Variants in ABCA13 observed in about 807,000 individuals in gnomAD.
ABCA13 encodes the protein ATP binding cassette subfamily A member 13.
In ABCA13, 476 loss-of-function variants were observed where a neutral mutation model predicts 478.7. The observed-to-expected ratio is 0.99, with a 90% CI of 0.92 to 1.07. The LOEUF is 1.07. Among genes scored for constraint, ABCA13 ranks in the 50% least tolerant of loss-of-function variants. ABCA13 has a pLI of 0.00. For synonymous variants in ABCA13, 2,252 were observed against 2,158.9 expected (o/e 1.04, Z -1.20); for missense variants, 6,060 against 5,910.6 (o/e 1.03, Z -0.83).
intron 27 of ABCA13, among the ~76,000 whole-genome samples, chr7:48,330,781 C>CCA (rs757776204): frequency 2.6e-5 from 4 of 151,994 alleles, no homozygotes; most frequent in African/African-American, 9.7e-5. Flanking sequence ...ATCCATCCAT[C>CCA]TATACATTAA....
intron 3 of ABCA13, among the ~76,000 whole-genome samples, chr7:48,211,463 T>G (rs1470726894): frequency 6.6e-6 from 1 of 152,180 alleles, no homozygotes; most frequent in East Asian, 1.9e-4. Flanking sequence ...CTTCCTTCTG[T>G]TTCCCCTAAT....
In ABCA13 at chr7:48,372,361, A is replaced by G; in HGVS notation, c.10997A>G (p.Tyr3666Cys). The change falls in exon 33 of 62, where the codon TAC (tyrosine) becomes TGC (cysteine). Residue 3666 changes from tyrosine (Y) to cysteine (C), a missense_variant. Tyr to Cys is a radical substitution (Grantham distance 194, BLOSUM62 -2). Coordinates refer to ENST00000435803, the MANE Select transcript of ABCA13 (RefSeq NM_152701.5). ...GGGATGTCAGTCGTCATGCTGAGCTACCTCTTGAGTGCATTTTTCAGCCAA... is the reference window on the plus strand; with the variant it reads ...GGGATGTCAGTCGTCATGCTGAGCTGCCTCTTGAGTGCATTTTTCAGCCAA... ...DFGMSVVMLS[Y>C]LLSAFFSQAN... The G allele has an allele frequency of 6.2e-7, 1 of 1,613,750 alleles. No individual in the cohort carries two copies. Among genetic ancestry groups the G allele is most frequent in the East Asian group, 2.2e-5 (1 of 44,874 alleles).
chr7:48,292,036 C>CT (rs1320098536), intron 20 of ABCA13, among the ~76,000 whole-genome samples: 2 of 152,156 alleles, frequency 1.3e-5, no homozygotes, highest in Non-Finnish European at 2.9e-5. Flanking sequence ...GCTAGGGAAT[C>CT]TTATGCAGAT....
chr7:48,459,846 A>G (rs943172999), intron 43 of ABCA13, among the ~76,000 whole-genome samples: 11 of 152,246 alleles, frequency 7.2e-5, no homozygotes, highest in African/African-American at 2.4e-4. Flanking sequence ...CTCTCTACAC[A>G]TTAAAAATAT....
chr7:48,262,725 A>C (rs1249360412), intron 15 of ABCA13, among the ~76,000 whole-genome samples: 4 of 151,910 alleles, frequency 2.6e-5, no homozygotes, highest in Non-Finnish European at 5.9e-5. Context: ...TTATACACAC[A>C]TTTAGAGGTG....
intron 1 of ABCA13, among the ~76,000 whole-genome samples, chr7:48,184,302 G>A (rs991459123): frequency 6.6e-6 from 1 of 152,076 alleles, no homozygotes; most frequent in East Asian, 1.9e-4. Flanking sequence ...GTAGGCATTT[G>A]TAGGTATTAC....
In ABCA13 at chr7:48,229,998, A is replaced by G. The variant is rs147152680; in HGVS notation, c.763+43A>G. On this transcript the variant is annotated intron_variant, in intron 7 of 61. Transcript: ENST00000435803. Reference sequence around the variant, plus strand: ...CTATTGCTATATTTCAAAACGTTTAACTACTTAAATTCATTGACAGTTGAC... The same window carrying G: ...CTATTGCTATATTTCAAAACGTTTAGCTACTTAAATTCATTGACAGTTGAC... 113 of 1,579,152 alleles carry G rather than the reference A, an allele frequency of 7.2e-5. No homozygotes were observed. The African/African-American group carries it at 1.4e-3, about 19-fold the overall frequency.
chr7:48,215,955 G>C (rs527797021), intron 3 of ABCA13, among the ~76,000 whole-genome samples: 27 of 152,166 alleles, frequency 1.8e-4, no homozygotes, highest in Non-Finnish European at 2.6e-4. Flanking sequence ...TTTTAAAATT[G>C]ATGATCAACT....
At chr7:48,388,981 G>A in intron 36 of ABCA13, 59 bp from the exon 37 acceptor site, 6 of 1,532,638 alleles carry the variant, frequency 3.9e-6, no homozygotes, top group South Asian at 3.5e-5. Flanking sequence ...TAATAAATAT[G>A]AGCATTATTT....
At chr7:48,236,848 G>A (rs1255364864) in intron 8 of ABCA13, among the ~76,000 whole-genome samples, 1 of 152,118 alleles carries the variant, frequency 6.6e-6, no homozygotes, top group Admixed American at 6.6e-5. Flanking sequence ...CCCTTCGTAA[G>A]TGTAATTGCC....
At position 48,524,405 on chromosome 7, in the gene ABCA13, G is replaced by C. The variant is rs1371001468; in HGVS notation, c.14209G>C (p.Val4737Leu). The C allele has an allele frequency of 6.2e-7, 1 of 1,611,956 alleles. No homozygotes were observed. Among genetic ancestry groups the C allele is most frequent in the Non-Finnish European group, 8.5e-7 (1 of 1,179,100 alleles). The change falls in exon 54 of 62, where the codon GTG becomes CTG. Residue 4737 changes from valine (V) to leucine (L), a missense_variant. Physicochemically the swap from Val to Leu is conservative, Grantham distance 32 (BLOSUM62 1). Around this residue, in one of 3 missense-constraint regions of ABCA13, gnomAD observed 1,627 missense variants for 1,571.0 expected, o/e 1.04. Coordinates refer to ENST00000435803, the MANE Select transcript of ABCA13 (RefSeq NM_152701.5). ...YRRFFQNIIA[V>L]QDISLGIPKG... ...ACGCTTTTTCCAGAATATTATTGCT[G>C]TGCAAGATATTAGTTTGGGCATACC... is the stretch of plus-strand genomic sequence containing the variant.
intron 31 of ABCA13, among the ~76,000 whole-genome samples, chr7:48,365,520 T>A (rs1249763903): frequency 3.9e-5 from 6 of 152,174 alleles, no homozygotes; most frequent in African/African-American, 1.4e-4. Flanking sequence ...AGTTCTCTGA[T>A]ATTTTCTTCT....
intron 35 of ABCA13, among the ~76,000 whole-genome samples, chr7:48,384,005 A>G (rs1259243176): frequency 6.6e-6 from 1 of 152,232 alleles, no homozygotes; most frequent in Non-Finnish European, 1.5e-5. Flanking sequence ...TGCTACAGTG[A>G]ATATATTTAT....
In ABCA13 at chr7:48,276,105, A is replaced by C; in HGVS notation, c.6439A>C (p.Ile2147Leu). The C allele has an allele frequency of 6.3e-7, 1 of 1,599,656 alleles. No homozygotes were observed. The highest frequency in any genetic ancestry group is 1.1e-5 in the South Asian group (1 of 88,834). The stretch of plus-strand genomic sequence containing the variant: ...CTCCAGAATGATAGAAACATTATTC[A>C]TTCCTGTGACCAATGAGAGTTCAAC... Reference protein sequence around the residue: ...DYSRMIETLFIPVTNESSTED... With the variant: ...DYSRMIETLFLPVTNESSTED... Residue 2147 changes from isoleucine to leucine, a missense_variant, in exon 17 of 62, where the codon ATT becomes CTT. Ile to Leu is a conservative substitution (Grantham distance 5). Coordinates refer to ENST00000435803, the MANE Select transcript of ABCA13 (RefSeq NM_152701.5).
chr7:48,350,587 G>T, intron 29 of ABCA13, 56 bp from the exon 30 acceptor site: 1 of 1,457,846 alleles, frequency 6.9e-7, no homozygotes, highest in Non-Finnish European at 9.2e-7. Context: ...TATATGAGTG[G>T]TAAGCACTGG....
intron 31 of ABCA13, among the ~76,000 whole-genome samples, chr7:48,355,792 T>A (rs1009671045): frequency 2.0e-5 from 3 of 151,916 alleles, no homozygotes; most frequent in African/African-American, 7.3e-5. Flanking sequence ...AGTAACTGGA[T>A]TGCTGGAATT....
chr7:48,446,252 G>A (rs1347936042), intron 42 of ABCA13, among the ~76,000 whole-genome samples: 4 of 151,898 alleles, frequency 2.6e-5, no homozygotes, highest in Admixed American at 2.6e-4. Context: ...ATGGTCTGTG[G>A]CCACTACTAT....
At chr7:48,192,802 C>T (rs1297190580) in intron 1 of ABCA13, among the ~76,000 whole-genome samples, 157 bp from the exon 2 acceptor site, 2 of 151,874 alleles carry the variant, frequency 1.3e-5, no homozygotes, top group Non-Finnish European at 2.9e-5. Flanking sequence ...GATCTGGACG[C>T]AATGATAAAT....
intron 61 of ABCA13, 111 bp downstream of exon 61, chr7:48,644,865 C>A: frequency 8.6e-7 from 1 of 1,160,232 alleles, no homozygotes; most frequent in Non-Finnish European, 1.2e-6. Flanking sequence ...TTATTCAATT[C>A]ATCTTGTTAA....
Sources: allele counts gnomAD v4.1 joint callset (sites outside exome capture counted in the v4.1 genomes callset), GRCh38; gene constraint gnomAD v4.1.1; regional missense constraint gnomAD v4.1.1; transcripts MANE v1.5; gene names NCBI Gene and HGNC (gene_info 2026-07-23, HGNC 2026-07-21).